Variants in LSAMP observed in about 807,000 individuals in gnomAD.
LSAMP encodes limbic system-associated membrane protein.
LSAMP carries 7 observed loss-of-function variants against 38.6 expected under a neutral mutation model. The observed-to-expected ratio is 0.18, with a 90% CI of 0.10 to 0.34. The LOEUF (loss-of-function observed/expected upper bound fraction) is 0.34, where lower values mean the gene tolerates loss of function less well. Among genes scored for constraint, LSAMP ranks in the 10% least tolerant of loss-of-function variants. The probability of loss-of-function intolerance (pLI) is 1.00; values close to 1 mark genes in which losing one functional copy is unlikely to be tolerated. For missense variants in LSAMP, 313 were observed against 420.0 expected, an observed-to-expected ratio of 0.75 and a Z score of 2.23; for synonymous variants, 154 against 166.8, an observed-to-expected ratio of 0.92 and a Z score of 0.59.
At chr3:116,369,520 T>C (rs2048402478) in intron 1 of LSAMP, among the ~76,000 whole-genome samples, 1 of 152,152 alleles carries the variant, frequency 6.6e-6, no homozygotes, top group South Asian at 2.1e-4. Context: ...GCTTGCCGTC[T>C]AGCCACTCTA....
At chr3:115,856,908 T>C (rs1699634782) in intron 3 of LSAMP, among the ~76,000 whole-genome samples, 2 of 152,234 alleles carry the variant, frequency 1.3e-5, no homozygotes, top group African/African-American at 4.8e-5. Context: ...CTAGAGTCAT[T>C]GTCAGCACTT....
chr3:115,864,554 C>T (rs1576163031), intron 3 of LSAMP, among the ~76,000 whole-genome samples: 1 of 152,088 alleles, frequency 6.6e-6, no homozygotes, highest in African/African-American at 2.4e-5. Context: ...ATAAATCTTA[C>T]AGGAAAGGGG....
At chr3:116,418,950 T>C (rs2049087535) in intron 1 of LSAMP, among the ~76,000 whole-genome samples, 1 of 152,212 alleles carries the variant, frequency 6.6e-6, no homozygotes, top group South Asian at 2.1e-4. Flanking sequence ...TAAACCTGTA[T>C]GTATCTGTGC....
chr3:115,877,349 G>GTGTT, intron 3 of LSAMP, among the ~76,000 whole-genome samples: 1 of 151,924 alleles, frequency 6.6e-6, no homozygotes, highest in South Asian at 2.1e-4. Flanking sequence ...ACAGTGAAAT[G>GTGTT]TGTTTGTGGA....
intron 3 of LSAMP, among the ~76,000 whole-genome samples, chr3:116,011,288 C>T (rs1175184715): frequency 6.6e-6 from 1 of 152,140 alleles, no homozygotes; most frequent in Non-Finnish European, 1.5e-5. Context: ...ATTAATTTTA[C>T]GATGTTCCTT....
chr3:115,982,136 C>T (rs74882955), intron 3 of LSAMP, among the ~76,000 whole-genome samples: 6,336 of 152,166 alleles, frequency 0.042, 289 homozygotes, highest in African/African-American at 0.11. Flanking sequence ...ATTCATTCTA[C>T]GGATAGGGAA....
At chr3:115,912,456 G>C (rs1937156238) in intron 3 of LSAMP, among the ~76,000 whole-genome samples, 1 of 152,196 alleles carries the variant, frequency 6.6e-6, no homozygotes, top group African/African-American at 2.4e-5. Flanking sequence ...TGGAAAGCCA[G>C]ACTCTCCATG....
intron 1 of LSAMP, among the ~76,000 whole-genome samples, chr3:116,087,281 A>G (rs1708013427): frequency 6.6e-6 from 1 of 152,256 alleles, no homozygotes; most frequent in African/African-American, 2.4e-5. Context: ...TTTGTAGTTT[A>G]TAGACCAATA....
chr3:115,869,923 A>T (rs527865701), intron 3 of LSAMP, among the ~76,000 whole-genome samples: 1 of 152,218 alleles, frequency 6.6e-6, no homozygotes, highest in East Asian at 1.9e-4. Context: ...GGGAACCAGG[A>T]GCATTATAGA....
In LSAMP at chr3:116,139,074, A is replaced by G. The variant is rs114923914; in HGVS notation, c.156-52518T>C. On this transcript the variant is annotated intron_variant, in intron 1 of 6. Transcript: ENST00000490035. ...ATGTGTATAAGTATATATAATATAC[A>G]TTATCAGGAGGGTCTTTAAAGGGCT... Among the ~76,000 whole-genome samples, 264 of 151,994 alleles carry G rather than the reference A, an allele frequency of 1.7e-3. 1 individual carries two copies. The highest frequency in any genetic ancestry group is 6.0e-3 in the African/African-American group (251 of 41,492).
chr3:116,239,307 C>T (rs2046502266), intron 1 of LSAMP, among the ~76,000 whole-genome samples: 1 of 152,060 alleles, frequency 6.6e-6, no homozygotes, highest in African/African-American at 2.4e-5. Context: ...ACTTACTAAG[C>T]TATAGAAAAC....
intron 3 of LSAMP, among the ~76,000 whole-genome samples, chr3:115,988,090 T>C (rs1418349804): frequency 6.6e-6 from 1 of 152,164 alleles, no homozygotes; most frequent in Non-Finnish European, 1.5e-5. Context: ...ATGAGAAGAC[T>C]CATCTCATCT....
intron 1 of LSAMP, among the ~76,000 whole-genome samples, chr3:116,441,422 A>G (rs2049433191): frequency 1.3e-5 from 2 of 152,230 alleles, no homozygotes; most frequent in South Asian, 4.1e-4. Flanking sequence ...TATAAAACTA[A>G]CATGGTTCTT....
rs113978423 is a variant in LSAMP, at chr3:115,909,158, C to A, written c.515-56541G>T. 3.3e-3 allele frequency among the ~76,000 whole-genome samples: 508 copies of A among 152,294 alleles called. 2 individuals carry two copies. The highest frequency in any genetic ancestry group is 0.012 in the African/African-American group (479 of 41,550). ...GCTTTATTATAGATGGTCTTTGCTC[C>A]TCCTGCATCCTTAGCTTTGATCTTT... On this transcript the variant is annotated intron_variant, in intron 3 of 6. Transcript: ENST00000490035.
chr3:116,405,249 C>G (rs1221008461), intron 1 of LSAMP, among the ~76,000 whole-genome samples: 1 of 152,104 alleles, frequency 6.6e-6, no homozygotes, highest in African/African-American at 2.4e-5. Context: ...GGGGGTGTCT[C>G]ATTTCCTATT....
rs1396907871 is a variant in LSAMP at position 116,409,133 on chromosome 3, G to T, written c.155+35744C>A. Among the ~76,000 whole-genome samples, 12 of 152,098 alleles carry T rather than the reference G, an allele frequency of 7.9e-5. 1 individual carries two copies. The South Asian group carries it at 2.5e-3, about 32-fold the overall frequency. On this transcript the variant is annotated intron_variant, in intron 1 of 6. Transcript: ENST00000490035. ...CTCCAGATTTCTTGAATGAGAGAGG[G>T]TTATCATTGACATTGTTATGAGACA...
intron 1 of LSAMP, among the ~76,000 whole-genome samples, chr3:116,262,879 G>T (rs1279963988): frequency 6.6e-6 from 1 of 152,146 alleles, no homozygotes; most frequent in African/African-American, 2.4e-5. Context: ...AGCTCTTCTT[G>T]GTTCCTCATG....
chr3:116,251,618 C>A (rs2046686235), intron 1 of LSAMP, among the ~76,000 whole-genome samples: 1 of 152,148 alleles, frequency 6.6e-6, no homozygotes. Context: ...TGGAGCTGAG[C>A]AAAATGTTAC....
intron 1 of LSAMP, among the ~76,000 whole-genome samples, chr3:116,378,430 C>A (rs1258919795): frequency 6.6e-6 from 1 of 152,032 alleles, no homozygotes; most frequent in Non-Finnish European, 1.5e-5. Context: ...GTATGAAGAG[C>A]AATGAGTAAA....
Sources: gnomAD v4.1 joint callset for allele counts (sites outside exome capture counted in the v4.1 genomes callset) on GRCh38, gnomAD v4.1.1 for gene constraint, MANE v1.5 for transcripts, NCBI Gene and HGNC (gene_info 2026-07-23, HGNC 2026-07-21) for gene names.